Variants in ANKFY1 observed in about 807,000 individuals in gnomAD.
ANKFY1 encodes the protein ankyrin repeat and FYVE domain-containing protein 1.
In ANKFY1, 47 loss-of-function variants were observed where a neutral mutation model predicts 128.3. The observed-to-expected ratio is 0.37, with a 90% CI of 0.29 to 0.47. The LOEUF (loss-of-function observed/expected upper bound fraction) is 0.47, where lower values mean the gene tolerates loss of function less well. ANKFY1 is among the 20% of genes least tolerant of loss of function. The pLI, the probability that ANKFY1 is intolerant of heterozygous loss-of-function variation, is 1.00. For missense variants in ANKFY1, 1,222 were observed against 1,510.6 expected (o/e 0.81, Z 3.17); for synonymous variants, 553 against 601.6 (o/e 0.92, Z 1.18).
Position 4,177,173 on chromosome 17 carries a change from G to T in ANKFY1, c.2728C>A (p.Leu910Met). The T allele has an allele frequency of 6.2e-7, 1 of 1,606,088 alleles. No individual in the cohort carries two copies. The highest frequency in any genetic ancestry group is 8.5e-7 in the Non-Finnish European group (1 of 1,175,888). The change falls in exon 19 of 25, where the codon CTG (leucine) becomes ATG (methionine). Residue 910 changes from leucine to methionine, a missense_variant. Leu to Met is a conservative substitution (Grantham distance 15). Transcript: ENST00000341657. ...RVQDASKLTPLHLAVQAGSEI... is the reference protein window; with the variant it reads ...RVQDASKLTPMHLAVQAGSEI... ...GAGCCTGCTTGGACAGCGAGGTGCAGGGGGGTCAACTTGGAGGCATCCTGG... is the reference window on the plus strand; with the variant it reads ...GAGCCTGCTTGGACAGCGAGGTGCATGGGGGTCAACTTGGAGGCATCCTGG...
rs1026640720 is a variant in ANKFY1 at position 4,181,282 on chromosome 17, C to T, written c.2212G>A (p.Glu738Lys). The change falls in exon 16 of 25, where the codon GAG becomes AAG. Residue 738 changes from glutamate to lysine, a missense_variant. Glu to Lys is a moderately conservative substitution (Grantham distance 56, BLOSUM62 1). Coordinates refer to ENST00000341657, the MANE Select transcript of ANKFY1 (RefSeq NM_001330063.2). This position sits in a 1 kb window ranked among gnomAD's most constrained non-coding sequence, Gnocchi z 4.9. ...CGAATAAGAAAGCAGGCGGTGGGCT[C>T]GTTGTTTTCATCAATGGCTCTGTGC... ...LLHRAIDENN[E>K]PTACFLIRSG... The T allele has an allele frequency of 3.7e-6, 6 of 1,613,894 alleles. No homozygotes were observed. Among genetic ancestry groups the T allele is most frequent in the South Asian group, 2.2e-5 (2 of 91,084 alleles).
intron 11 of ANKFY1, among the ~76,000 whole-genome samples, chr17:4,189,135 T>C (rs1432979580): frequency 6.6e-6 from 1 of 152,132 alleles, no homozygotes; most frequent in Non-Finnish European, 1.5e-5. Flanking sequence ...TAGTTCGGGG[T>C]CTGATAACCT....
At position 4,235,741 on chromosome 17, in the gene ANKFY1, G is replaced by A. The variant is rs930143891; in HGVS notation, c.322+31C>T. The A allele has an allele frequency of 2.6e-6, 4 of 1,533,544 alleles. No homozygotes were observed. In the African/African-American group the frequency reaches 5.5e-5, roughly 21 times the overall value. The allele number at this position is 1,533,544 out of a possible 1,614,324, so 95.0% of individuals were successfully genotyped here. A position where few individuals can be genotyped will look rare whatever the true frequency, so the allele number is the denominator to read the frequency against. On this transcript the variant is annotated intron_variant, in intron 3 of 24. Coordinates refer to ENST00000341657, the MANE Select transcript of ANKFY1 (RefSeq NM_001330063.2). ...TCTGCCAAGAGCCCTTCCGCTAGCA[G>A]TTTTGTGTCCCTGATCACTCAAAGG... is the stretch of plus-strand genomic sequence containing the variant.
At chr17:4,194,840 T>C in intron 10 of ANKFY1, 138 bp downstream of exon 10, 1 of 787,136 alleles carries the variant, frequency 1.3e-6, no homozygotes, top group Non-Finnish European at 2.0e-6. Context: ...AGGCTTTTAC[T>C]GTATATAAAA....
chr17:4,211,792 A>C (rs186410826), intron 4 of ANKFY1, among the ~76,000 whole-genome samples: 1 of 152,136 alleles, frequency 6.6e-6, no homozygotes, highest in East Asian at 1.9e-4. Context: ...CCAGGAGTTC[A>C]AGGCTGCGGT....
At chr17:4,263,857 C>T in intron 1 of ANKFY1, 75 bp downstream of exon 1, 1 of 1,612,826 alleles carries the variant, frequency 6.2e-7, no homozygotes, top group South Asian at 1.1e-5. Flanking sequence ...CTTCCCCTCC[C>T]ACGGCAGCTT....
At chr17:4,205,607 T>C (rs1567942116) in intron 7 of ANKFY1, among the ~76,000 whole-genome samples, 1 of 151,948 alleles carries the variant, frequency 6.6e-6, no homozygotes, top group Non-Finnish European at 1.5e-5. Flanking sequence ...CTGGGCGTGG[T>C]GGTGGGCACC....
chr17:4,216,914 C>G lies in ANKFY1; in HGVS notation c.458+69G>C, dbSNP rs182242704. On this transcript the variant is annotated intron_variant, in intron 4 of 24. Coordinates refer to ENST00000341657, the MANE Select transcript of ANKFY1 (RefSeq NM_001330063.2). ...ACATTAGCAGAAGAAGCTGTTTTCC[C>G]AGAGCTCGGCATAATTAAAGCTCAG... 5.8e-5 allele frequency: 93 copies of G among 1,603,324 alleles called. No individual in the cohort carries two copies. The East Asian group carries it at 1.9e-3, about 33-fold the overall frequency.
At chr17:4,227,887 A>C (rs1401236059) in intron 3 of ANKFY1, among the ~76,000 whole-genome samples, 1 of 152,198 alleles carries the variant, frequency 6.6e-6, no homozygotes, top group African/African-American at 2.4e-5. Flanking sequence ...TCAGGATGTG[A>C]AGCACCTGGA....
chr17:4,208,004 G>A lies in ANKFY1; in HGVS notation c.661C>T (p.Pro221Ser). ...TCCACTTTGATGGCTTTATGTAGCGGGTACTCTGTCTTGGATTTGATCATT... is the reference window on the plus strand; with the variant it reads ...TCCACTTTGATGGCTTTATGTAGCGAGTACTCTGTCTTGGATTTGATCATT... ...YKMIKSKTEY[P>S]LHKAIKVERE... is the part of the protein sequence containing the mutation. The change falls in exon 6 of 25, where the codon CCG becomes TCG. Residue 221 changes from proline to serine, a missense_variant. By Grantham distance (74) the Pro-to-Ser change is moderately conservative. Coordinates refer to ENST00000341657, the MANE Select transcript of ANKFY1 (RefSeq NM_001330063.2). The A allele has an allele frequency of 1.9e-6, 3 of 1,611,582 alleles. No homozygotes were observed. Among genetic ancestry groups the A allele is most frequent in the South Asian group, 1.1e-5 (1 of 90,398 alleles).
At chr17:4,224,274 G>A (rs1415545070) in intron 3 of ANKFY1, among the ~76,000 whole-genome samples, 1 of 124,858 alleles carries the variant, frequency 8.0e-6, no homozygotes, top group Non-Finnish European at 1.6e-5. Flanking sequence ...CCAGGCTGGA[G>A]TGCAGTGGCG....
intron 3 of ANKFY1, among the ~76,000 whole-genome samples, chr17:4,219,069 T>A (rs2143036056): frequency 6.6e-6 from 1 of 152,270 alleles, no homozygotes; most frequent in Admixed American, 6.5e-5. Flanking sequence ...CCAGGTGGAA[T>A]TTATAACTAA....
rs1457176615 is a variant in ANKFY1, at chr17:4,169,557, AGGGATGGCT to A, written c.3287-278_3287-270del. Among the ~76,000 whole-genome samples, 1 of 152,342 alleles carries A rather than the reference AGGGATGGCT, an allele frequency of 6.6e-6. No homozygotes were observed. The highest frequency in any genetic ancestry group is 2.4e-5 in the African/African-American group (1 of 41,586). ...ATGTCTGTGGGGGAAACACGTAGTC[AGGGATGGCT>A]GGGATGGAAGGCACGGTAGGGAGAG... On this transcript the variant is annotated intron_variant, in intron 23 of 24. Coordinates refer to ENST00000341657, the MANE Select transcript of ANKFY1 (RefSeq NM_001330063.2). The surrounding 1 kb of genome is among the most constrained non-coding windows in gnomAD (Gnocchi z 5.0).
Position 4,195,359 on chromosome 17 carries a change from C to A in ANKFY1, c.1172+44G>T, listed in dbSNP as rs747576396. On this transcript the variant is annotated intron_variant, in intron 9 of 24. Transcript: ENST00000341657. ...AAGAATGATTTTTCACTCACAATCC[C>A]CCCTCACAACCGCCTTCTCACTTGT... 2.8e-5 allele frequency: 44 copies of A among 1,578,820 alleles called. No individual in the cohort carries two copies. In the South Asian group the frequency reaches 4.8e-4, roughly 17 times the overall value.
Position 4,178,992 on chromosome 17 carries a change from C to T in ANKFY1, c.2463G>A (p.Leu821=). The change falls in exon 18 of 25, where the codon CTG becomes CTA. Residue 821 remains leucine (L), a synonymous_variant. Coordinates refer to ENST00000341657, the MANE Select transcript of ANKFY1 (RefSeq NM_001330063.2). This position sits in a 1 kb window ranked among gnomAD's most constrained non-coding sequence, Gnocchi z 4.1. ...ISSQHGVIIQ[L]LVSHPDIHLN... ...AATGGATATCGGGGTGAGAAACCAA[C>T]AGCTGAATGATGACACCGTGTTGGC... The T allele has an allele frequency of 6.2e-7, 1 of 1,614,218 alleles. No homozygotes were observed.
intron 11 of ANKFY1, chr17:4,188,199 C>A (rs1296677392): frequency 6.6e-6 from 1 of 152,216 alleles, no homozygotes; most frequent in African/African-American, 2.4e-5. Flanking sequence ...GGCACGAGGC[C>A]ATGCCGTCAC....
chr17:4,237,448 A>C (rs1037687525), intron 2 of ANKFY1, among the ~76,000 whole-genome samples: 16 of 152,240 alleles, frequency 1.1e-4, no homozygotes, highest in African/African-American at 3.9e-4. Context: ...GACAAAGTGT[A>C]AACAATTTAA....
At chr17:4,186,992 CA>C (rs1311627629) in intron 11 of ANKFY1, 59 of 1,215,014 alleles carry the variant, frequency 4.9e-5, no homozygotes, top group Non-Finnish European at 6.0e-5. Flanking sequence ...GGGTTCGCCG[CA>C]ACTGTTTTTT....
chr17:4,193,616 G>A (rs942231748), intron 10 of ANKFY1, among the ~76,000 whole-genome samples: 4 of 151,854 alleles, frequency 2.6e-5, no homozygotes, highest in African/African-American at 9.7e-5. Context: ...AGTAGAGACG[G>A]TGTTTCACCA....
Sources: gnomAD v4.1 joint callset for allele counts (sites outside exome capture counted in the v4.1 genomes callset) on GRCh38, gnomAD v4.1.1 for gene constraint, Gnocchi (gnomAD v3.1) non-coding constraint, MANE v1.5 for transcripts, NCBI Gene and HGNC (gene_info 2026-07-23, HGNC 2026-07-21) for gene names.